Variants in PRKCE observed in about 807,000 individuals in gnomAD.
PRKCE encodes the protein protein kinase C epsilon type.
PRKCE carries 16 observed loss-of-function variants against 85.4 expected under a neutral mutation model. The observed-to-expected ratio is 0.19, with a 90% confidence interval of 0.13 to 0.28. PRKCE has a LOEUF of 0.28. Ranked by LOEUF, PRKCE falls within the 10% of genes least tolerant of loss-of-function variation. PRKCE has a pLI of 1.00. For synonymous variants in PRKCE, 388 were observed against 371.5 expected (o/e 1.04, Z -0.51); for missense variants, 573 against 975.2 (o/e 0.59, Z 5.49).
chr2:45,799,590 AT>A (rs1297372499), intron 1 of PRKCE, among the ~76,000 whole-genome samples: 2 of 152,228 alleles, frequency 1.3e-5, no homozygotes, highest in African/African-American at 4.8e-5. Context: ...TTTTTAAAAA[AT>A]TAAAATTATT....
chr2:45,657,995 G>T (rs889416968), intron 1 of PRKCE, among the ~76,000 whole-genome samples: 4 of 152,146 alleles, frequency 2.6e-5, no homozygotes, highest in African/African-American at 9.7e-5. Context: ...TTTGATATAT[G>T]TTACTCTAGA....
intron 2 of PRKCE, among the ~76,000 whole-genome samples, chr2:45,938,507 A>C (rs990310723): frequency 5.3e-5 from 8 of 152,078 alleles, no homozygotes; most frequent in African/African-American, 1.9e-4. Context: ...TCTGTGATTG[A>C]CCTGTTGTGT....
At chr2:46,031,529 C>T (rs115406348) in intron 10 of PRKCE, among the ~76,000 whole-genome samples, 3,168 of 152,156 alleles carry the variant, frequency 0.021, 109 homozygotes, top group African/African-American at 0.073. Context: ...AGTCTTATCT[C>T]CCAAAATCAC....
intron 10 of PRKCE, chr2:46,074,029 T>C (rs1295354447): frequency 6.6e-6 from 1 of 152,084 alleles, no homozygotes; most frequent in Non-Finnish European, 1.5e-5. Flanking sequence ...TTCCCTCTCT[T>C]TGTGTAGTGT....
At chr2:46,070,706 A>T (rs933841976) in intron 10 of PRKCE, among the ~76,000 whole-genome samples, 2 of 152,020 alleles carry the variant, frequency 1.3e-5, no homozygotes, top group African/African-American at 4.8e-5. Context: ...AATGATGGTG[A>T]GGGTGACTCC....
At chr2:45,853,563 C>T (rs1692445193) in intron 2 of PRKCE, among the ~76,000 whole-genome samples, 1 of 152,146 alleles carries the variant, frequency 6.6e-6, no homozygotes, top group Non-Finnish European at 1.5e-5. Context: ...CTGAGGTAGG[C>T]AGGTCGCACC....
At chr2:45,908,191 C>G (rs1250393174) in intron 2 of PRKCE, among the ~76,000 whole-genome samples, 3 of 152,154 alleles carry the variant, frequency 2.0e-5, no homozygotes, top group Non-Finnish European at 4.4e-5. Context: ...CTTTACCTCC[C>G]TCAGTTTCCC....
At position 45,651,865 on chromosome 2, in the gene PRKCE, G is replaced by A. The variant is rs961592621; in HGVS notation, c.-236G>A. ...GGGGGAGAGACTTGCTCCAAACACG[G>A]ACATCCCCCAGCTCTCCCCCCTCCC... On this transcript the variant is annotated 5_prime_UTR_variant, in exon 1 of 15. Transcript: ENST00000306156. 26 of 431,442 alleles carry A rather than the reference G, an allele frequency of 6.0e-5. No homozygotes were observed. Among genetic ancestry groups the A allele is most frequent in the Middle Eastern group, 6.1e-4 (1 of 1,636 alleles). The allele number at this position is 431,442 out of a possible 1,614,324, so 26.7% of individuals were successfully genotyped here.
intron 11 of PRKCE, among the ~76,000 whole-genome samples, chr2:46,130,453 G>A (rs1674319709): frequency 6.6e-6 from 1 of 152,066 alleles, no homozygotes; most frequent in Non-Finnish European, 1.5e-5. Context: ...AGAGTTACAT[G>A]TTGTCTGCGT....
chr2:46,000,967 T>G (rs1259253443), intron 6 of PRKCE: 3 of 152,216 alleles, frequency 2.0e-5, no homozygotes, highest in Non-Finnish European at 4.4e-5. Flanking sequence ...TGCTGCTGAC[T>G]TCTAAGCCCC....
At chr2:46,151,469 G>T (rs921511130) in intron 13 of PRKCE, among the ~76,000 whole-genome samples, 1 of 152,206 alleles carries the variant, frequency 6.6e-6, no homozygotes, top group Non-Finnish European at 1.5e-5. Context: ...GAGATGACTT[G>T]CTCTTCTGGT....
At chr2:45,793,408 A>C (rs1353682274) in intron 1 of PRKCE, among the ~76,000 whole-genome samples, 1 of 152,222 alleles carries the variant, frequency 6.6e-6, no homozygotes, top group Non-Finnish European at 1.5e-5. Context: ...AGAAAGAAGA[A>C]AAAATTATAC....
chr2:45,733,339 C>T (rs527915311), intron 1 of PRKCE, among the ~76,000 whole-genome samples: 1 of 152,254 alleles, frequency 6.6e-6, no homozygotes, highest in South Asian at 2.1e-4. Flanking sequence ...CTGTTGTGAG[C>T]CAGGCATGAT....
At chr2:45,662,692 C>CTTTTT (rs34322525) in intron 1 of PRKCE, among the ~76,000 whole-genome samples, 1 of 149,060 alleles carries the variant, frequency 6.7e-6, no homozygotes, top group Admixed American at 6.7e-5. Context: ...CCAGCTCCTG[C>CTTTTT]TTTTTTTTTT....
At chr2:46,102,195 A>T (rs775424661) in intron 11 of PRKCE, among the ~76,000 whole-genome samples, 1 of 152,124 alleles carries the variant, frequency 6.6e-6, no homozygotes, top group African/African-American at 2.4e-5. Context: ...TTGCCAGGAC[A>T]CCACTGGAGT....
At chr2:45,956,397 A>T (rs971517498) in intron 2 of PRKCE, among the ~76,000 whole-genome samples, 2 of 152,110 alleles carry the variant, frequency 1.3e-5, no homozygotes, top group African/African-American at 4.8e-5. Context: ...AAGAACCTGC[A>T]GGCTGGATGC....
chr2:45,878,340 A>G (rs1029000125), intron 2 of PRKCE, among the ~76,000 whole-genome samples: 8 of 152,210 alleles, frequency 5.3e-5, no homozygotes, highest in East Asian at 1.9e-4. Context: ...GCCACCTTAT[A>G]ACAAGTTTAG....
rs530857676 is a variant in PRKCE, at chr2:45,712,216, C to T, written c.348+59768C>T. Among the ~76,000 whole-genome samples, 9 of 129,638 alleles carry T rather than the reference C, an allele frequency of 6.9e-5. No homozygotes were observed. The East Asian group carries it at 1.7e-3, about 25-fold the overall frequency. The allele number at this position is 129,638 out of a possible 152,430, so 85.0% of individuals were successfully genotyped here. ...AGGCTGGAGTGCAGTGGTGCAATCTCGGCTTACTGCAACCTCCACCTCCCA... is the reference window on the plus strand; with the variant it reads ...AGGCTGGAGTGCAGTGGTGCAATCTTGGCTTACTGCAACCTCCACCTCCCA... On this transcript the variant is annotated intron_variant, in intron 1 of 14. Transcript: ENST00000306156.
intron 1 of PRKCE, among the ~76,000 whole-genome samples, chr2:45,739,494 A>T (rs1682367193): frequency 1.3e-5 from 2 of 152,078 alleles, no homozygotes; most frequent in Non-Finnish European, 2.9e-5. Context: ...AATTCTGAAG[A>T]CTCATCTAAT....
Sources: gnomAD v4.1 joint callset for allele counts (sites outside exome capture counted in the v4.1 genomes callset) on GRCh38, gnomAD v4.1.1 for gene constraint, MANE v1.5 for transcripts, NCBI Gene and HGNC (gene_info 2026-07-23, HGNC 2026-07-21) for gene names.